Variants in NPAS3 observed in about 807,000 individuals in gnomAD.
NPAS3 encodes the protein neuronal PAS domain-containing protein 3.
A neutral mutation model predicts 73.1 loss-of-function variants in NPAS3; 14 were observed. The ratio of observed to expected loss-of-function variants is 0.19; its 90% CI spans 0.13 to 0.30. The LOEUF (loss-of-function observed/expected upper bound fraction) is 0.30, where lower values mean the gene tolerates loss of function less well. Ranked by LOEUF, NPAS3 falls within the 10% of genes least tolerant of loss-of-function variation. NPAS3 has a pLI of 1.00. For synonymous variants in NPAS3, 620 were observed against 541.5 expected (o/e 1.14, Z -2.01); for missense variants, 1,096 against 1,250.0 (o/e 0.88, Z 1.86).
At chr14:33,450,507 A>G (rs1344607859) in intron 4 of NPAS3, among the ~76,000 whole-genome samples, 1 of 152,196 alleles carries the variant, frequency 6.6e-6, no homozygotes, top group African/African-American at 2.4e-5. Flanking sequence ...TAGATCCTGA[A>G]AAAAACATCT....
intron 5 of NPAS3, among the ~76,000 whole-genome samples, chr14:33,631,820 A>G (rs1209057937): frequency 2.0e-5 from 3 of 152,168 alleles, no homozygotes; most frequent in Non-Finnish European, 4.4e-5. Flanking sequence ...CTGTGTTTGT[A>G]TTTGATGGTC....
intron 4 of NPAS3, among the ~76,000 whole-genome samples, chr14:33,393,040 C>T (rs927128992): frequency 6.6e-6 from 1 of 152,102 alleles, no homozygotes; most frequent in African/African-American, 2.4e-5. Flanking sequence ...AAATTTTTCT[C>T]TCTCTAGAAC....
chr14:33,680,770 T>G (rs1320988722), intron 6 of NPAS3: 3 of 626,950 alleles, frequency 4.8e-6, no homozygotes, highest in East Asian at 2.8e-5. Context: ...TACCAGGATT[T>G]AGACAATTTA....
chr14:33,521,010 T>C (rs2140099748), intron 4 of NPAS3, among the ~76,000 whole-genome samples: 1 of 152,266 alleles, frequency 6.6e-6, no homozygotes, highest in South Asian at 2.1e-4. Flanking sequence ...CTGATAAATT[T>C]TAGGGTAGAA....
intron 5 of NPAS3, among the ~76,000 whole-genome samples, chr14:33,608,962 C>T (rs1348629469): frequency 1.3e-5 from 2 of 152,176 alleles, no homozygotes; most frequent in Non-Finnish European, 2.9e-5. Context: ...AAGGTCCACA[C>T]CCACAGCATC....
chr14:33,206,008 CT>C (rs557084385), intron 2 of NPAS3, among the ~76,000 whole-genome samples: 19 of 152,246 alleles, frequency 1.2e-4, no homozygotes, highest in African/African-American at 4.1e-4. Flanking sequence ...GCAAATCTAT[CT>C]ACTCCAAATT....
chr14:33,580,185 A>G (rs964201690), intron 5 of NPAS3, among the ~76,000 whole-genome samples: 1 of 152,156 alleles, frequency 6.6e-6, no homozygotes, highest in Non-Finnish European at 1.5e-5. Flanking sequence ...AACCAGGTAA[A>G]TGCTGAATGG....
intron 3 of NPAS3, among the ~76,000 whole-genome samples, chr14:33,246,740 C>A (rs2048397838): frequency 2.0e-5 from 3 of 150,112 alleles, no homozygotes; most frequent in African/African-American, 7.4e-5. Context: ...GGTCTGTAAT[C>A]CCAGCACTCT....
At chr14:33,420,408 C>T (rs772483784) in intron 4 of NPAS3, among the ~76,000 whole-genome samples, 2 of 151,872 alleles carry the variant, frequency 1.3e-5, no homozygotes, top group Admixed American at 6.6e-5. Flanking sequence ...TGCTGCTTGT[C>T]GCAGCAGAAT....
intron 4 of NPAS3, among the ~76,000 whole-genome samples, chr14:33,557,662 C>T (rs1339574534): frequency 3.3e-5 from 5 of 152,206 alleles, no homozygotes; most frequent in African/African-American, 9.6e-5. Flanking sequence ...CCTCAATTTC[C>T]TTGTATATAA....
chr14:33,296,070 AT>A (rs1293597317), intron 3 of NPAS3, among the ~76,000 whole-genome samples: 1 of 152,214 alleles, frequency 6.6e-6, no homozygotes, highest in Non-Finnish European at 1.5e-5. Flanking sequence ...TTTCTTCCAA[AT>A]GTTTCCCTGA....
At chr14:33,801,147 G>A (rs1393549446), downstream of NPAS3, 4 of 1,541,476 alleles carry the variant, frequency 2.6e-6, no homozygotes, top group African/African-American at 5.5e-5. Context: ...GCCCCGCTTG[G>A]AGGAGGCATC....
At position 32,975,896 on chromosome 14, in the gene NPAS3, T is replaced by TGTGA. The variant is rs374916231; in HGVS notation, c.50+36531_50+36532insTGAG. On this transcript the variant is annotated intron_variant, in intron 1 of 11. Transcript: ENST00000356141. The stretch of plus-strand genomic sequence containing the variant: ...GTGTGTGTGTGTGTGTGTGTGTGTG[T>TGTGA]GAGAGAGAGAGAGTTTGCAGACACG... 7.3e-3 allele frequency among the ~76,000 whole-genome samples: 1,034 copies of TGTGA among 142,260 alleles called. 5 individuals carry two copies. Among genetic ancestry groups the TGTGA allele is most frequent in the East Asian group, 0.024 (115 of 4,774 alleles). 93.3% of individuals were successfully genotyped at this position (142,260 alleles called of 152,430 possible). A position where few individuals can be genotyped will look rare whatever the true frequency, so the allele number is the denominator to read the frequency against.
At chr14:33,352,873 A>C (rs1050254169) in intron 3 of NPAS3, among the ~76,000 whole-genome samples, 1 of 152,234 alleles carries the variant, frequency 6.6e-6, no homozygotes, top group Non-Finnish European at 1.5e-5. Context: ...TAGTGACTTA[A>C]CAGCAATGGT....
intron 4 of NPAS3, among the ~76,000 whole-genome samples, chr14:33,500,889 C>G (rs1029118839): frequency 6.6e-6 from 1 of 151,940 alleles, no homozygotes. Context: ...TCATCACTGG[C>G]CTCTTGGCCC....
At chr14:33,201,110 G>A (rs373013881) in intron 2 of NPAS3, among the ~76,000 whole-genome samples, 21 of 152,186 alleles carry the variant, frequency 1.4e-4, no homozygotes, top group Admixed American at 6.5e-4. Flanking sequence ...TCAAATAGAA[G>A]AAAATGAGAG....
chr14:33,613,134 T>G (rs1222957586), intron 5 of NPAS3, among the ~76,000 whole-genome samples: 2 of 152,134 alleles, frequency 1.3e-5, no homozygotes, highest in African/African-American at 4.8e-5. Context: ...ATGGATAATA[T>G]AAAAGACAGA....
chr14:33,021,049 C>G (rs1566473613), intron 1 of NPAS3, among the ~76,000 whole-genome samples: 1 of 152,166 alleles, frequency 6.6e-6, no homozygotes, highest in East Asian at 1.9e-4. Flanking sequence ...CAGGCGTGAG[C>G]CACTGCACCC....
At chr14:32,950,964 T>C (rs1221891391) in intron 1 of NPAS3, among the ~76,000 whole-genome samples, 2 of 152,022 alleles carry the variant, frequency 1.3e-5, no homozygotes, top group Non-Finnish European at 2.9e-5. Flanking sequence ...AAAGCAAGAG[T>C]TCCATTACTC....
Sources: allele counts gnomAD v4.1 joint callset (sites outside exome capture counted in the v4.1 genomes callset), GRCh38; gene constraint gnomAD v4.1.1; transcripts MANE v1.5; gene names NCBI Gene and HGNC (gene_info 2026-07-23, HGNC 2026-07-21).